Variants in GRM5 observed in about 807,000 individuals in gnomAD.
GRM5 encodes glutamate metabotropic receptor 5, also known as metabotropic glutamate receptor 5.
GRM5 carries 19 observed loss-of-function variants against 83.1 expected under a neutral mutation model. The ratio of observed to expected loss-of-function variants is 0.23; its 90% confidence interval spans 0.16 to 0.34. The LOEUF is 0.34. GRM5 is among the 10% of genes least tolerant of loss of function. The pLI is 1.00. For missense variants in GRM5, 1,160 were observed against 1,588.3 expected (o/e 0.73, Z 4.58); for synonymous variants, 675 against 633.6 (o/e 1.07, Z -0.98).
chr11:88,712,990 A>G (rs868351147), intron 3 of GRM5, among the ~76,000 whole-genome samples: 5 of 152,012 alleles, frequency 3.3e-5, no homozygotes, highest in African/African-American at 1.2e-4. Context: ...TGGGGCTATG[A>G]CAAGTGTAGG....
intron 3 of GRM5, among the ~76,000 whole-genome samples, chr11:88,681,173 C>A (rs1330510757): frequency 6.6e-6 from 1 of 152,116 alleles, no homozygotes; most frequent in Admixed American, 6.6e-5. Context: ...CAAATTTACA[C>A]AATTCTCAAA....
intron 3 of GRM5, among the ~76,000 whole-genome samples, chr11:88,662,693 T>C (rs1458190386): frequency 2.9e-4 from 44 of 152,132 alleles, no homozygotes; most frequent in Admixed American, 2.8e-3. Context: ...GGACTTGACA[T>C]GAGAGAGCTA....
chr11:88,941,269 C>A (rs566242627), intron 2 of GRM5, among the ~76,000 whole-genome samples: 1 of 151,072 alleles, frequency 6.6e-6, no homozygotes, highest in Non-Finnish European at 1.5e-5. Context: ...AGTTTAAAGG[C>A]GACCCCATTA....
chr11:88,519,872 G>T lies in GRM5; in HGVS notation c.2726+5437C>A, dbSNP rs553725416. Among the ~76,000 whole-genome samples, 3 of 152,228 alleles carry T rather than the reference G, an allele frequency of 2.0e-5. No individual in the cohort carries two copies. In the East Asian group the frequency reaches 5.8e-4, roughly 29 times the overall value. Reference sequence around the variant, plus strand: ...TGTGTCAGGCAATATGCTAAGTGCTGTACTTATATAATTCCATTTATTTTT... The same window carrying T: ...TGTGTCAGGCAATATGCTAAGTGCTTTACTTATATAATTCCATTTATTTTT... On this transcript the variant is annotated intron_variant, in intron 9 of 9. Coordinates refer to ENST00000305447, the MANE Select transcript of GRM5 (RefSeq NM_001143831.3).
At chr11:88,934,125 T>C (rs182943917) in intron 2 of GRM5, among the ~76,000 whole-genome samples, 2 of 151,942 alleles carry the variant, frequency 1.3e-5, no homozygotes, top group South Asian at 4.1e-4. Context: ...ACTTCTCTAA[T>C]TTTTACTATT....
intron 3 of GRM5, among the ~76,000 whole-genome samples, chr11:88,672,762 A>G (rs769890748): frequency 2.0e-5 from 3 of 152,016 alleles, no homozygotes; most frequent in Non-Finnish European, 4.4e-5. Flanking sequence ...TAATGTTATA[A>G]AAAGACATTG....
Position 88,682,042 on chromosome 11 carries a change from T to C in GRM5, c.912-28639A>G, listed in dbSNP as rs148430125. On this transcript the variant is annotated intron_variant, in intron 3 of 9. Transcript: ENST00000305447. ...TCACCTAGGATAGCAAGATTACCAA[T>C]ACTTGTAGTACAATTTAAAAATTAT... Among the ~76,000 whole-genome samples, 625 of 152,338 alleles carry C rather than the reference T, an allele frequency of 4.1e-3. 8 individuals carry two copies. The highest frequency in any genetic ancestry group is 0.014 in the African/African-American group (582 of 41,586).
chr11:88,649,423 T>C (rs1253632619), intron 4 of GRM5, among the ~76,000 whole-genome samples: 1 of 143,772 alleles, frequency 7.0e-6, no homozygotes, highest in Non-Finnish European at 1.5e-5. Context: ...CATTATATAT[T>C]ATATATGACA....
intron 2 of GRM5, among the ~76,000 whole-genome samples, chr11:89,044,489 C>T (rs1264408480): frequency 1.3e-5 from 2 of 152,124 alleles, no homozygotes; most frequent in African/African-American, 2.4e-5. Context: ...TGATGACATA[C>T]ACTTTCTTGA....
chr11:88,983,728 G>A (rs992858137), intron 2 of GRM5, among the ~76,000 whole-genome samples: 4 of 151,844 alleles, frequency 2.6e-5, no homozygotes, highest in African/African-American at 9.7e-5. Flanking sequence ...TGTGAAAAAA[G>A]TTACCTGTAA....
At chr11:88,689,486 C>T (rs1333607146) in intron 3 of GRM5, among the ~76,000 whole-genome samples, 2 of 152,152 alleles carry the variant, frequency 1.3e-5, no homozygotes, top group Non-Finnish European at 2.9e-5. Flanking sequence ...AGTATAAATA[C>T]TAAGAAAGCA....
intron 1 of GRM5, among the ~76,000 whole-genome samples, chr11:89,056,138 C>T (rs764887779): frequency 6.6e-6 from 1 of 152,106 alleles, no homozygotes; most frequent in East Asian, 1.9e-4. Context: ...ATTTTGCTTG[C>T]TTTTGAAAGT....
chr11:88,711,181 G>C (rs1467005015), intron 3 of GRM5, among the ~76,000 whole-genome samples: 1 of 152,018 alleles, frequency 6.6e-6, no homozygotes, highest in Non-Finnish European at 1.5e-5. Context: ...GAATGAAGAA[G>C]GGCTCTGACA....
intron 2 of GRM5, among the ~76,000 whole-genome samples, chr11:88,902,966 A>C (rs867874927): frequency 3.7e-5 from 3 of 81,326 alleles, no homozygotes; most frequent in Admixed American, 2.2e-4. Flanking sequence ...AAAAAAAAAA[A>C]AAAAAAAAAA....
chr11:88,560,283 A>G (rs186757683), intron 8 of GRM5, among the ~76,000 whole-genome samples: 25 of 152,252 alleles, frequency 1.6e-4, no homozygotes, highest in Admixed American at 4.6e-4. Flanking sequence ...TATCTTTTAA[A>G]CATTATTTCT....
chr11:88,786,453 T>C (rs1192458573), intron 3 of GRM5, among the ~76,000 whole-genome samples: 1 of 152,122 alleles, frequency 6.6e-6, no homozygotes, highest in East Asian at 1.9e-4. Flanking sequence ...GTGCTTATAG[T>C]TCTTACATTA....
At chr11:88,670,712 C>G (rs1940169646) in intron 3 of GRM5, among the ~76,000 whole-genome samples, 1 of 151,974 alleles carries the variant, frequency 6.6e-6, no homozygotes, top group South Asian at 2.1e-4. Flanking sequence ...AAGTGGTTAA[C>G]TTTAATCATT....
chr11:88,548,310 C>T (rs992488311), intron 8 of GRM5, among the ~76,000 whole-genome samples: 2 of 152,134 alleles, frequency 1.3e-5, no homozygotes, highest in Non-Finnish European at 2.9e-5. Context: ...AGGAACATTT[C>T]TTGAGACAGA....
At chr11:88,854,910 T>C (rs993845951) in intron 2 of GRM5, among the ~76,000 whole-genome samples, 11 of 151,986 alleles carry the variant, frequency 7.2e-5, no homozygotes, top group African/African-American at 2.7e-4. Context: ...CATAGGTAAA[T>C]GCTATTTCAG....
Sources: gnomAD v4.1 joint callset for allele counts (sites outside exome capture counted in the v4.1 genomes callset) on GRCh38, gnomAD v4.1.1 for gene constraint, MANE v1.5 for transcripts, NCBI Gene and HGNC (gene_info 2026-07-23, HGNC 2026-07-21) for gene names.